PIP4K2A: variants seen among roughly 807,000 people sequenced by gnomAD.
The protein encoded by PIP4K2A is phosphatidylinositol-5-phosphate 4-kinase type 2 alpha, also known as phosphatidylinositol 5-phosphate 4-kinase type-2 alpha.
A neutral mutation model predicts 42.9 loss-of-function variants in PIP4K2A; 14 were observed. The observed-to-expected ratio is 0.33, with a 90% confidence interval of 0.22 to 0.51. The LOEUF (loss-of-function observed/expected upper bound fraction) is 0.51, where lower values mean the gene tolerates loss of function less well. Among genes scored for constraint, PIP4K2A ranks in the 20% least tolerant of loss-of-function variants. PIP4K2A has a pLI of 0.97. For synonymous variants in PIP4K2A, 192 were observed against 192.2 expected, an observed-to-expected ratio of 1.00 and a Z score of 0.01; for missense variants, 434 against 519.8, an observed-to-expected ratio of 0.83 and a Z score of 1.61.
chr10:22,664,207 A>G (rs1299021360), intron 1 of PIP4K2A, among the ~76,000 whole-genome samples: 4 of 48,548 alleles, frequency 8.2e-5, no homozygotes, highest in African/African-American at 1.2e-4. Flanking sequence ...ATATATACAT[A>G]TATATATATA....
At chr10:22,686,268 T>C (rs1208128430) in intron 1 of PIP4K2A, among the ~76,000 whole-genome samples, 6 of 152,320 alleles carry the variant, frequency 3.9e-5, no homozygotes, top group Middle Eastern at 3.4e-3. Flanking sequence ...CTGAAGGAAA[T>C]GTAATCTCCC....
In PIP4K2A at chr10:22,558,956, A is replaced by AC. The variant is rs1340600921; in HGVS notation, c.679-8185dup. Among the ~76,000 whole-genome samples the AC allele has an allele frequency of 2.6e-5, 4 of 152,178 alleles. No individual in the cohort carries two copies. In the East Asian group the frequency reaches 7.7e-4, roughly 29 times the overall value. ...TTTTTTAATACTGTCATATTTTATG[A>AC]CAACTCTATGTGGTAATGTCAAAGG... On this transcript the variant is annotated intron_variant, in intron 6 of 9. Coordinates refer to ENST00000376573, the MANE Select transcript of PIP4K2A (RefSeq NM_005028.5).
intron 1 of PIP4K2A, among the ~76,000 whole-genome samples, chr10:22,663,706 T>G (rs1342705886): frequency 6.6e-6 from 1 of 151,992 alleles, no homozygotes; most frequent in Admixed American, 6.6e-5. Flanking sequence ...CATAAATATT[T>G]TTATAAAAGC....
intron 6 of PIP4K2A, among the ~76,000 whole-genome samples, chr10:22,560,076 C>T (rs1836648280): frequency 6.6e-6 from 1 of 152,132 alleles, no homozygotes; most frequent in Admixed American, 6.5e-5. Context: ...GGAAACTTTC[C>T]CCTGCACTTT....
chr10:22,562,054 T>G (rs1836718410), intron 6 of PIP4K2A, among the ~76,000 whole-genome samples: 1 of 152,122 alleles, frequency 6.6e-6, no homozygotes, highest in African/African-American at 2.4e-5. Context: ...TAGCATTTAG[T>G]AGACTGTTTT....
chr10:22,642,804 G>A (rs1354053201), intron 1 of PIP4K2A, among the ~76,000 whole-genome samples: 2 of 151,814 alleles, frequency 1.3e-5, no homozygotes, highest in Non-Finnish European at 2.9e-5. Flanking sequence ...GAAGGAAATT[G>A]GTCTTGTTCA....
At chr10:22,622,506 G>C (rs909658821) in intron 1 of PIP4K2A, among the ~76,000 whole-genome samples, 3 of 152,344 alleles carry the variant, frequency 2.0e-5, no homozygotes, top group African/African-American at 7.2e-5. Context: ...CCCCTGCTCT[G>C]CTGCAATCGC....
In PIP4K2A at chr10:22,689,797, T is replaced by C. The variant is rs114940698; in HGVS notation, c.144+24386A>G. Among the ~76,000 whole-genome samples the C allele has an allele frequency of 1.1e-3, 173 of 152,328 alleles. 1 individual carries two copies. The highest frequency in any genetic ancestry group is 4.0e-3 in the African/African-American group (167 of 41,562). ...GGAAACATATGAGAACAACCAACCA[T>C]AGCATAATCACTGCAAACTGATGGT... is the stretch of plus-strand genomic sequence containing the variant. On this transcript the variant is annotated intron_variant, in intron 1 of 9. Coordinates refer to ENST00000376573, the MANE Select transcript of PIP4K2A (RefSeq NM_005028.5).
rs73598571 is a variant in PIP4K2A at position 22,585,418 on chromosome 10, T to C, written c.492+6211A>G. Among the ~76,000 whole-genome samples the C allele has an allele frequency of 5.6e-3, 858 of 152,264 alleles. 2 individuals carry two copies. The highest frequency in any genetic ancestry group is 0.019 in the African/African-American group (794 of 41,542). On this transcript the variant is annotated intron_variant, in intron 4 of 9. Transcript: ENST00000376573. ...AGGAATTTAAGTCGTTTTTTATCAA[T>C]TTTACCCATTTATCGATTCAGTCAC...
At chr10:22,678,390 T>C (rs1397865738) in intron 1 of PIP4K2A, among the ~76,000 whole-genome samples, 3 of 152,022 alleles carry the variant, frequency 2.0e-5, no homozygotes, top group Admixed American at 1.3e-4. Context: ...ACACTCCAAA[T>C]ACAAGACTGA....
intron 1 of PIP4K2A, among the ~76,000 whole-genome samples, chr10:22,702,378 T>C (rs1181321907): frequency 6.6e-6 from 1 of 152,234 alleles, no homozygotes; most frequent in East Asian, 1.9e-4. Context: ...TCTGAAGCCA[T>C]TAAAAGAACA....
Position 22,579,667 on chromosome 10 carries a change from A to C in PIP4K2A, c.493-6210T>G, listed in dbSNP as rs561250098. Among the ~76,000 whole-genome samples, 8 of 152,174 alleles carry C rather than the reference A, an allele frequency of 5.3e-5. No homozygotes were observed. The South Asian group carries it at 1.7e-3, about 32-fold the overall frequency. On this transcript the variant is annotated intron_variant, in intron 4 of 9. Coordinates refer to ENST00000376573, the MANE Select transcript of PIP4K2A (RefSeq NM_005028.5). ...ACGCATGTAATCCCAGCACTTTGGGAGGCAGGGGAGGGTGGATTACTTGAA... is the reference window on the plus strand; with the variant it reads ...ACGCATGTAATCCCAGCACTTTGGGCGGCAGGGGAGGGTGGATTACTTGAA...
chr10:22,571,695 G>C (rs1007087147), intron 5 of PIP4K2A, among the ~76,000 whole-genome samples: 1 of 152,194 alleles, frequency 6.6e-6, no homozygotes, highest in Non-Finnish European at 1.5e-5. Context: ...CTCTTGTCAA[G>C]CTTTGGTGTA....
rs1835901491 is a variant in PIP4K2A, at chr10:22,535,692, T to TA, written c.*1508dup. 1 of 161,700 alleles carries TA rather than the reference T, an allele frequency of 6.2e-6. No individual in the cohort carries two copies. The highest frequency in any genetic ancestry group is 1.3e-5 in the Non-Finnish European group (1 of 74,718). The allele number at this position is 161,700 out of a possible 1,614,324, so 10.0% of individuals were successfully genotyped here. ...CAGCATGTAAGTGGATAACCTACTC[T>TA]AAGCAAGACTAATATTTAAGCTCAA... On this transcript the variant is annotated 3_prime_UTR_variant, in exon 10 of 10. Transcript: ENST00000376573.
chr10:22,681,334 C>T (rs1839656822), intron 1 of PIP4K2A, among the ~76,000 whole-genome samples: 2 of 152,204 alleles, frequency 1.3e-5, no homozygotes, highest in East Asian at 1.9e-4. Context: ...ACCTCTGTCT[C>T]CCCTACACTG....
chr10:22,705,023 G>T (rs1833791517), intron 1 of PIP4K2A, among the ~76,000 whole-genome samples: 1 of 152,112 alleles, frequency 6.6e-6, no homozygotes, highest in Admixed American at 6.6e-5. Context: ...GGGATGGTGG[G>T]AAGAGTGGAA....
intron 9 of PIP4K2A, among the ~76,000 whole-genome samples, chr10:22,538,857 C>T (rs1012917244): frequency 6.6e-5 from 10 of 152,212 alleles, no homozygotes; most frequent in Non-Finnish European, 1.5e-4. Flanking sequence ...TAGCTATCGA[C>T]AATGTGACTG....
At chr10:22,568,963 C>T in intron 5 of PIP4K2A, 8 of 1,392,176 alleles carry the variant, frequency 5.7e-6, no homozygotes, top group Non-Finnish European at 7.9e-6. Context: ...GATGAAAAGA[C>T]ATCTATTGCC....
intron 6 of PIP4K2A, among the ~76,000 whole-genome samples, chr10:22,554,391 T>C (rs1299186007): frequency 6.6e-6 from 1 of 152,222 alleles, no homozygotes; most frequent in Non-Finnish European, 1.5e-5. Context: ...AAATTAACTG[T>C]GGGCAGCGAC....
Sources: gnomAD v4.1 joint callset for allele counts (sites outside exome capture counted in the v4.1 genomes callset) on GRCh38, gnomAD v4.1.1 for gene constraint, MANE v1.5 for transcripts, NCBI Gene and HGNC (gene_info 2026-07-23, HGNC 2026-07-21) for gene names.